Variants in MAP3K13 observed in about 807,000 individuals in gnomAD.
MAP3K13 encodes mitogen-activated protein kinase kinase kinase 13.
A neutral mutation model predicts 104.0 loss-of-function variants in MAP3K13; 52 were observed. The ratio of observed to expected loss-of-function variants is 0.50; its 90% confidence interval spans 0.40 to 0.63. The LOEUF is 0.63. MAP3K13 is among the 20% of genes least tolerant of loss of function. The pLI, the probability that MAP3K13 is intolerant of heterozygous loss-of-function variation, is 0.00. For synonymous variants in MAP3K13, 394 were observed against 442.2 expected (o/e 0.89, Z 1.37); for missense variants, 914 against 1,218.5 (o/e 0.75, Z 3.72).
At chr3:185,284,907 A>G (rs1339934124) in intron 1 of MAP3K13, among the ~76,000 whole-genome samples, 1 of 152,088 alleles carries the variant, frequency 6.6e-6, no homozygotes, top group African/African-American at 2.4e-5. Flanking sequence ...CTTGGCATGA[A>G]TTACTACCTA....
rs147906023 is a variant in MAP3K13, at chr3:185,348,928, C to CAAACAAAT, written c.-86+63288_-86+63289insCAAATAAA. Among the ~76,000 whole-genome samples, 25 of 151,008 alleles carry CAAACAAAT rather than the reference C, an allele frequency of 1.7e-4. 1 individual carries two copies. Among genetic ancestry groups the CAAACAAAT allele is most frequent in the African/African-American group, 5.9e-4 (24 of 40,906 alleles). On this transcript the variant is annotated intron_variant, in intron 2 of 14. Transcript: ENST00000424227. ...GAGACTCTGTCTCAAAACAAACAAA[C>CAAACAAAT]AAATAAATAAATAAATAAATAAAAG...
At chr3:185,403,990 A>G (rs546566420) in intron 1 of MAP3K13, among the ~76,000 whole-genome samples, 6 of 152,360 alleles carry the variant, frequency 3.9e-5, no homozygotes, top group African/African-American at 1.2e-4. Flanking sequence ...AAGAACAAGG[A>G]CATCAGATAA....
chr3:185,379,101 G>A (rs58889489), intron 1 of MAP3K13, among the ~76,000 whole-genome samples: 9,292 of 152,246 alleles, frequency 0.061, 468 homozygotes, highest in East Asian at 0.13. Flanking sequence ...AGGCTGCAGC[G>A]TGGGTGAGCA....
At chr3:185,299,386 A>G (rs1338696201) in intron 2 of MAP3K13, among the ~76,000 whole-genome samples, 1 of 152,236 alleles carries the variant, frequency 6.6e-6, no homozygotes, top group African/African-American at 2.4e-5. Context: ...CAGTCACAAA[A>G]GGAGCCTGCA....
chr3:185,311,955 A>G (rs1721509853), intron 2 of MAP3K13, among the ~76,000 whole-genome samples: 1 of 152,248 alleles, frequency 6.6e-6, no homozygotes, highest in South Asian at 2.1e-4. Flanking sequence ...ATCAACATAG[A>G]TCAGTCTCAA....
chr3:185,467,385 A>G (rs1237258849), intron 10 of MAP3K13, among the ~76,000 whole-genome samples: 3 of 152,244 alleles, frequency 2.0e-5, no homozygotes, highest in Non-Finnish European at 4.4e-5. Context: ...TTACAACACA[A>G]TAGACCATGC....
intron 2 of MAP3K13, among the ~76,000 whole-genome samples, chr3:185,335,031 A>G (rs1216380247): frequency 1.4e-5 from 2 of 139,346 alleles, no homozygotes; most frequent in Non-Finnish European, 3.2e-5. Flanking sequence ...TAGAACCAGA[A>G]ACCTTAAAAA....
intron 1 of MAP3K13, chr3:185,417,851 G>A: frequency 6.2e-7 from 1 of 1,606,190 alleles, no homozygotes; most frequent in East Asian, 2.2e-5. Context: ...ACTCTGCGAT[G>A]AATCTTCTTG....
At chr3:185,305,398 A>G (rs1263418938) in intron 2 of MAP3K13, among the ~76,000 whole-genome samples, 1 of 152,124 alleles carries the variant, frequency 6.6e-6, no homozygotes, top group Admixed American at 6.5e-5. Flanking sequence ...CTACTCCTTC[A>G]CATATCCTCT....
chr3:185,418,687 G>A lies in MAP3K13; in HGVS notation c.-85-9810G>A. ...AAAGTTCACAATATCTGGTCGAATA[G>A]GAGCCTTGAATACAGCAGGCTAAGT... On this transcript the variant is annotated intron_variant, in intron 1 of 13. Transcript: ENST00000265026. The surrounding 1 kb of genome is among the most constrained non-coding windows in gnomAD (Gnocchi z 4.5). 1.2e-6 allele frequency: 2 copies of A among 1,611,676 alleles called. No individual in the cohort carries two copies. Among genetic ancestry groups the A allele is most frequent in the Non-Finnish European group, 8.5e-7 (1 of 1,178,576 alleles).
chr3:185,319,763 T>A (rs1721794449), intron 2 of MAP3K13, among the ~76,000 whole-genome samples: 1 of 152,244 alleles, frequency 6.6e-6, no homozygotes, highest in Admixed American at 6.5e-5. Flanking sequence ...TAATTATGAA[T>A]GTTAAGTAGG....
chr3:185,382,944 C>T (rs1017829119), intron 1 of MAP3K13, among the ~76,000 whole-genome samples: 2 of 151,892 alleles, frequency 1.3e-5, no homozygotes, highest in Non-Finnish European at 2.9e-5. Context: ...ATGTGCCATG[C>T]TGGTGCGCTG....
intron 1 of MAP3K13, among the ~76,000 whole-genome samples, chr3:185,425,271 A>G (rs1006049940): frequency 6.6e-6 from 1 of 152,216 alleles, no homozygotes; most frequent in Non-Finnish European, 1.5e-5. Context: ...CTGTATGTCC[A>G]TAGTTGAGCT....
In MAP3K13 at chr3:185,485,705, A is replaced by G. The variant is rs1227643838; in HGVS notation, c.*3249A>G. 2 of 152,100 alleles carry G rather than the reference A, an allele frequency of 1.3e-5. No individual in the cohort carries two copies. The highest frequency in any genetic ancestry group is 3.8e-4 in the East Asian group (2 of 5,200). The allele number at this position is 152,100 out of a possible 1,614,324, so 9.4% of individuals were successfully genotyped here. ...GTGCCTAATTTACAAATTAAATTTT[A>G]TCATAGATATGTAAGTATAGAAAAA... On this transcript the variant is annotated 3_prime_UTR_variant, in exon 14 of 14. Coordinates refer to ENST00000265026, the MANE Select transcript of MAP3K13 (RefSeq NM_004721.5).
At chr3:185,377,552 A>C (rs1055254878) in intron 1 of MAP3K13, among the ~76,000 whole-genome samples, 1 of 150,488 alleles carries the variant, frequency 6.6e-6, no homozygotes, top group Non-Finnish European at 1.5e-5. Flanking sequence ...ATAACTAAAA[A>C]GGAGTGCATA....
intron 1 of MAP3K13, among the ~76,000 whole-genome samples, chr3:185,391,140 G>C (rs1388262817): frequency 2.2e-4 from 34 of 152,078 alleles, no homozygotes; most frequent in Admixed American, 2.2e-3. Flanking sequence ...TGATGTTGTT[G>C]TGCAACCATC....
chr3:185,455,961 TG>T (rs1012564337), intron 7 of MAP3K13, among the ~76,000 whole-genome samples: 2 of 144,022 alleles, frequency 1.4e-5, no homozygotes, highest in African/African-American at 5.2e-5. Context: ...TGTATATATA[TG>T]ATATGTATGA....
At chr3:185,305,648 G>A (rs946681934) in intron 2 of MAP3K13, among the ~76,000 whole-genome samples, 7 of 151,936 alleles carry the variant, frequency 4.6e-5, no homozygotes, top group Non-Finnish European at 1.0e-4. Flanking sequence ...TCAACCCGAG[G>A]GACTTCCTTT....
Position 185,487,713 on chromosome 3 carries a change from C to T in MAP3K13, c.*5257C>T, listed in dbSNP as rs910513831. On this transcript the variant is annotated 3_prime_UTR_variant, in exon 14 of 14. Coordinates refer to ENST00000265026, the MANE Select transcript of MAP3K13 (RefSeq NM_004721.5). ...GAGTGTGCTATGTTTTGTTTTCCCA[C>T]TGAGCCAGAAGCCGAAATATTATAC... 6.6e-6 allele frequency: 1 copy of T among 152,158 alleles called. No individual in the cohort carries two copies. Among genetic ancestry groups the T allele is most frequent in the East Asian group, 1.9e-4 (1 of 5,198 alleles). The allele number at this position is 152,158 out of a possible 1,614,324, so 9.4% of individuals were successfully genotyped here.
Sources: gnomAD v4.1 joint callset for allele counts (sites outside exome capture counted in the v4.1 genomes callset) on GRCh38, gnomAD v4.1.1 for gene constraint, Gnocchi (gnomAD v3.1) non-coding constraint, MANE v1.5 for transcripts, NCBI Gene and HGNC (gene_info 2026-07-23, HGNC 2026-07-21) for gene names.